Variants in ACSS3 observed in about 807,000 individuals in gnomAD.
ACSS3 encodes acyl-CoA synthetase short chain family member 3.
In ACSS3, 64 loss-of-function variants were observed where a neutral mutation model predicts 84.2. That is an observed-to-expected ratio of 0.76 (90% CI 0.62 to 0.94). The LOEUF (loss-of-function observed/expected upper bound fraction) is 0.94. Among genes scored for constraint, ACSS3 ranks in the 40% least tolerant of loss-of-function variants. ACSS3 has a pLI of 0.00. For synonymous variants in ACSS3, 317 were observed against 310.1 expected, an observed-to-expected ratio of 1.02 and a Z score of -0.23; for missense variants, 815 against 867.6, an observed-to-expected ratio of 0.94 and a Z score of 0.76.
At chr12:81,130,804 A>G (rs531388713) in intron 2 of ACSS3, among the ~76,000 whole-genome samples, 4 of 152,302 alleles carry the variant, frequency 2.6e-5, no homozygotes, top group African/African-American at 9.6e-5. Context: ...TAATTTTTGT[A>G]TAACGTGTAA....
At chr12:81,155,257 A>C in intron 7 of ACSS3, among the ~76,000 whole-genome samples, 1 of 152,154 alleles carries the variant, frequency 6.6e-6, no homozygotes, top group Non-Finnish European at 1.5e-5. Context: ...GGTCCTTAAC[A>C]TTAGAGTTTA....
chr12:81,087,887 T>C (rs1881422760), intron 1 of ACSS3, among the ~76,000 whole-genome samples: 1 of 152,130 alleles, frequency 6.6e-6, no homozygotes, highest in Non-Finnish European at 1.5e-5. Context: ...GAAAACAAAC[T>C]GATTTCTGGT....
Position 81,151,928 on chromosome 12 carries a change from A to C in ACSS3, c.1002+4A>C. The C allele has an allele frequency of 1.9e-6, 3 of 1,613,726 alleles. No individual in the cohort carries two copies. The highest frequency in any genetic ancestry group is 2.5e-6 in the Non-Finnish European group (3 of 1,179,832). ...ATACGGACTTCAACCCGGAGAGGTAATCGTGGTTTTAAATTTACATTACAT... is the reference window on the plus strand; with the variant it reads ...ATACGGACTTCAACCCGGAGAGGTACTCGTGGTTTTAAATTTACATTACAT... On this transcript the variant is annotated splice_donor_region_variant and intron_variant, in intron 6 of 15. Transcript: ENST00000548058.
chr12:81,125,373 A>G (rs1360401483), intron 2 of ACSS3, among the ~76,000 whole-genome samples: 1 of 152,204 alleles, frequency 6.6e-6, no homozygotes, highest in African/African-American at 2.4e-5. Flanking sequence ...CTACTGCCTC[A>G]TTTAGCTAAG....
intron 13 of ACSS3, among the ~76,000 whole-genome samples, chr12:81,242,210 T>A (rs1389364175): frequency 6.6e-6 from 1 of 152,042 alleles, no homozygotes; most frequent in Non-Finnish European, 1.5e-5. Flanking sequence ...CAAACTACCA[T>A]CAGAGAATAC....
At chr12:81,213,816 C>CTCTTCTCTTCTCTTCTCT (rs1211118047) in intron 9 of ACSS3, among the ~76,000 whole-genome samples, 6 of 61,300 alleles carry the variant, frequency 9.8e-5, no homozygotes, top group African/African-American at 3.1e-4. Context: ...CTCTTCTCTT[C>CTCTTCTCTTCTCTTCTCT]TCTTCTCTTC....
At chr12:81,095,144 A>G (rs1881950824) in intron 1 of ACSS3, among the ~76,000 whole-genome samples, 1 of 152,078 alleles carries the variant, frequency 6.6e-6, no homozygotes, top group South Asian at 2.1e-4. Flanking sequence ...CCCTGGGGGC[A>G]TTCTGGATTG....
intron 1 of ACSS3, among the ~76,000 whole-genome samples, chr12:81,078,865 C>G (rs1880793189): frequency 6.6e-6 from 1 of 152,048 alleles, no homozygotes; most frequent in Admixed American, 6.6e-5. Context: ...AAAATCGCAC[C>G]CCATAAGGGT....
At chr12:81,123,003 CCA>C (rs1884766493) in intron 2 of ACSS3, among the ~76,000 whole-genome samples, 1 of 151,962 alleles carries the variant, frequency 6.6e-6, no homozygotes, top group Admixed American at 6.6e-5. Context: ...TGTTTGGGTT[CCA>C]GTCTGGCCAC....
At chr12:81,170,053 G>A (rs769443467) in intron 7 of ACSS3, among the ~76,000 whole-genome samples, 2 of 152,176 alleles carry the variant, frequency 1.3e-5, no homozygotes, top group Non-Finnish European at 2.9e-5. Flanking sequence ...ATCAGTGTCT[G>A]GGAAATCACA....
intron 5 of ACSS3, among the ~76,000 whole-genome samples, chr12:81,145,356 T>C (rs187992961): frequency 7.9e-5 from 12 of 152,240 alleles, no homozygotes; most frequent in Admixed American, 7.2e-4. Context: ...AGGGCTTGAA[T>C]TGTGTGGAGA....
chr12:81,189,696 A>G (rs946389375), intron 8 of ACSS3, among the ~76,000 whole-genome samples: 1 of 152,126 alleles, frequency 6.6e-6, no homozygotes, highest in Non-Finnish European at 1.5e-5. Context: ...TGATAAAAAG[A>G]TGTGCCTTCT....
intron 5 of ACSS3, among the ~76,000 whole-genome samples, chr12:81,147,632 T>C (rs1206350590): frequency 1.3e-5 from 2 of 152,136 alleles, no homozygotes; most frequent in Non-Finnish European, 2.9e-5. Flanking sequence ...GGTGAAGACA[T>C]TGGAGTTCAT....
chr12:81,117,936 G>A (rs1198796489), intron 2 of ACSS3: 1 of 152,146 alleles, frequency 6.6e-6, no homozygotes, highest in East Asian at 1.9e-4. Flanking sequence ...TTTGAAAGAA[G>A]TCTGATTGAA....
chr12:81,239,029 A>G (rs2033711005), intron 13 of ACSS3, among the ~76,000 whole-genome samples: 1 of 151,868 alleles, frequency 6.6e-6, no homozygotes, highest in African/African-American at 2.4e-5. Flanking sequence ...CTGTTGCTGC[A>G]TCCCATAAAT....
chr12:81,154,161 A>G (rs1886753354), intron 7 of ACSS3, among the ~76,000 whole-genome samples: 1 of 152,262 alleles, frequency 6.6e-6, no homozygotes, highest in Non-Finnish European at 1.5e-5. Context: ...AGTAAACAAA[A>G]TAAACCTCTA....
intron 3 of ACSS3, 59 bp downstream of exon 3, chr12:81,135,063 C>CCACAGATAAATA: frequency 7.2e-7 from 1 of 1,394,720 alleles, no homozygotes; most frequent in Non-Finnish European, 9.6e-7. Context: ...TCATATTTAT[C>CCACAGATAAATA]TGTGGATGAA....
rs143545792 is a variant in ACSS3 at position 81,201,556 on chromosome 12, C to T, written c.1354+2112C>T. On this transcript the variant is annotated intron_variant, in intron 9 of 15. Transcript: ENST00000548058. ...CCTGTGACAGAAGCATATGAGGTCC[C>T]TGGTGGATACTCAGTTCCATGAGAA... Among the ~76,000 whole-genome samples, 319 of 152,262 alleles carry T rather than the reference C, an allele frequency of 2.1e-3. 1 individual carries two copies. Among genetic ancestry groups the T allele is most frequent in the African/African-American group, 7.0e-3 (289 of 41,548 alleles).
Position 81,123,413 on chromosome 12 carries a change from A to G in ACSS3, c.457-11403A>G, listed in dbSNP as rs543515256. ...TTTTAAACCTCTCGTATTCTTATAC[A>G]GTGCAATAAAACTACATTTTTAGAT... On this transcript the variant is annotated intron_variant, in intron 2 of 15. Transcript: ENST00000548058. Among the ~76,000 whole-genome samples the G allele has an allele frequency of 3.3e-5, 5 of 152,328 alleles. No homozygotes were observed. In the East Asian group the frequency reaches 7.7e-4, roughly 24 times the overall value.
Sources: allele counts gnomAD v4.1 joint callset (sites outside exome capture counted in the v4.1 genomes callset), GRCh38; gene constraint gnomAD v4.1.1; transcripts MANE v1.5; gene names NCBI Gene and HGNC (gene_info 2026-07-23, HGNC 2026-07-21).